WDR26: variants seen among roughly 807,000 people sequenced by gnomAD.
WDR26 encodes WD repeat-containing protein 26.
In WDR26, 5 loss-of-function variants were observed where a neutral mutation model predicts 84.1. The ratio of observed to expected loss-of-function variants is 0.06; its 90% CI spans 0.03 to 0.13. The LOEUF (loss-of-function observed/expected upper bound fraction) is 0.13. Ranked by LOEUF, WDR26 falls within the 10% of genes least tolerant of loss-of-function variation. The probability of loss-of-function intolerance (pLI) is 1.00; values close to 1 mark genes in which losing one functional copy is unlikely to be tolerated. For missense variants in WDR26, 642 were observed against 974.9 expected (o/e 0.66, Z 4.55); for synonymous variants, 415 against 389.6 (o/e 1.07, Z -0.77).
At chr1:224,397,001 T>C (rs1673285032) in intron 12 of WDR26, among the ~76,000 whole-genome samples, 1 of 152,216 alleles carries the variant, frequency 6.6e-6, no homozygotes, top group South Asian at 2.1e-4. Context: ...AAATATGCCT[T>C]ATTCTTAAAG....
chr1:224,414,196 C>T (rs190606567), intron 6 of WDR26, among the ~76,000 whole-genome samples: 1 of 151,380 alleles, frequency 6.6e-6, no homozygotes, highest in East Asian at 2.0e-4. Context: ...ATCTCTACCT[C>T]CCGGGTTCAA....
intron 1 of WDR26, among the ~76,000 whole-genome samples, 169 bp downstream of exon 1, chr1:224,433,515 G>A (rs958677943): frequency 6.6e-6 from 1 of 151,710 alleles, no homozygotes; most frequent in African/African-American, 2.4e-5. Context: ...CCTCCTCCCC[G>A]GTCGCCCTGA....
chr1:224,392,633 T>C lies in WDR26; in HGVS notation c.2260+1195A>G, dbSNP rs1263034869. ...AGAGGAATGTTAGAATGTCAGGTAGTGATCTATAAATACAAAAATACCCTT... is the reference window on the plus strand; with the variant it reads ...AGAGGAATGTTAGAATGTCAGGTAGCGATCTATAAATACAAAAATACCCTT... On this transcript the variant is annotated intron_variant, in intron 13 of 13. Transcript: ENST00000414423. 3.9e-5 allele frequency among the ~76,000 whole-genome samples: 6 copies of C among 152,174 alleles called. No homozygotes were observed. In the South Asian group the frequency reaches 6.2e-4, roughly 16 times the overall value.
intron 6 of WDR26, among the ~76,000 whole-genome samples, chr1:224,415,143 T>C (rs1299180007): frequency 6.6e-6 from 1 of 152,252 alleles, no homozygotes; most frequent in Non-Finnish European, 1.5e-5. Context: ...TTAGTGACTT[T>C]AAAATCTCTA....
At chr1:224,398,639 A>G in intron 10 of WDR26, 46 bp from the exon 11 acceptor site, 1 of 1,510,614 alleles carries the variant, frequency 6.6e-7, no homozygotes, top group Non-Finnish European at 9.1e-7. Flanking sequence ...TTAACAGTCA[A>G]GACATTCAAA....
chr1:224,429,710 C>G (rs1415412236), intron 3 of WDR26: 1 of 152,096 alleles, frequency 6.6e-6, no homozygotes, highest in Non-Finnish European at 1.5e-5. Flanking sequence ...TTTATTAGAT[C>G]CTAGAATGTT....
At chr1:224,423,287 T>C (rs1230904985) in intron 4 of WDR26, among the ~76,000 whole-genome samples, 3 of 152,222 alleles carry the variant, frequency 2.0e-5, no homozygotes, top group African/African-American at 4.8e-5. Flanking sequence ...TGAACAGACG[T>C]AGCAAGAGTA....
At chr1:224,394,105 A>G in intron 12 of WDR26, 92 bp from the exon 13 acceptor site, 1 of 955,862 alleles carries the variant, frequency 1.0e-6, no homozygotes, top group East Asian at 2.8e-5. Flanking sequence ...AGGACTCTTT[A>G]CTAGAACTTA....
chr1:224,392,807 T>C (rs1183014157), intron 13 of WDR26, among the ~76,000 whole-genome samples: 1 of 151,882 alleles, frequency 6.6e-6, no homozygotes, highest in African/African-American at 2.4e-5. Flanking sequence ...GATAAAAGTG[T>C]AGGGAATATA....
chr1:224,387,405 A>G lies in WDR26; in HGVS notation c.*2430T>C, dbSNP rs1673013606. On this transcript the variant is annotated 3_prime_UTR_variant, in exon 14 of 14. Coordinates refer to ENST00000414423, the MANE Select transcript of WDR26 (RefSeq NM_001379403.1). ...ACAGCAAATAAGTACCAGTATGTACAGGAAGCTGCCAGTTAAGACAGACCC... is the reference window on the plus strand; with the variant it reads ...ACAGCAAATAAGTACCAGTATGTACGGGAAGCTGCCAGTTAAGACAGACCC... 6.6e-6 allele frequency: 1 copy of G among 152,670 alleles called. No homozygotes were observed. The highest frequency in any genetic ancestry group is 2.4e-5 in the African/African-American group (1 of 41,462). The allele number at this position is 152,670 out of a possible 1,614,324, so 9.5% of individuals were successfully genotyped here.
At position 224,400,953 on chromosome 1, in the gene WDR26, C is replaced by T. The variant is rs528328049; in HGVS notation, c.1716G>A (p.Gln572=). The T allele has an allele frequency of 8.7e-6, 14 of 1,613,612 alleles. No individual in the cohort carries two copies. The highest frequency in any genetic ancestry group is 2.2e-5 in the East Asian group (1 of 44,880). ...GAAGGGGGCACTGAATACTTACACA[C>T]TGATAGAACTGCCCACGCTGACCTC... Residue 572 remains glutamine, a synonymous_variant, in exon 9 of 14, where the codon CAG becomes CAA. Transcript: ENST00000414423.
In WDR26 at chr1:224,434,189, C is replaced by G; in HGVS notation, c.217G>C (p.Gly73Arg). Residue 73 changes from glycine to arginine, a missense_variant, in exon 1 of 14, where the codon GGA (glycine) becomes CGA (arginine). By Grantham distance (125) the Gly-to-Arg change is moderately radical. Transcript: ENST00000414423. ...GGAGGGGCAGCAGCCGGGGGAAGTC[C>G]CACCACTACCACCACGGAGGAGGAG... 1 of 1,414,172 alleles carries G rather than the reference C, an allele frequency of 7.1e-7. No homozygotes were observed. Among genetic ancestry groups the G allele is most frequent in the Non-Finnish European group, 9.2e-7 (1 of 1,090,008 alleles). The allele number at this position is 1,414,172 out of a possible 1,614,324, so 87.6% of individuals were successfully genotyped here.
chr1:224,424,864 T>C, intron 3 of WDR26: 1 of 611,244 alleles, frequency 1.6e-6, no homozygotes, highest in East Asian at 2.9e-5. Flanking sequence ...ACTAAAACTC[T>C]GCTTTGAACA....
intron 5 of WDR26, among the ~76,000 whole-genome samples, chr1:224,419,203 A>C (rs561271885): frequency 3.1e-4 from 47 of 152,350 alleles, no homozygotes; most frequent in African/African-American, 1.1e-3. Flanking sequence ...TCTTTAAAGC[A>C]CTTGTGACTT....
intron 7 of WDR26, among the ~76,000 whole-genome samples, chr1:224,407,145 A>T (rs1312014088): frequency 0.22 from 4,917 of 22,612 alleles, 321 homozygotes; most frequent in Middle Eastern, 0.32. Context: ...AAAAAAAAAA[A>T]AAAAAAATAT....
intron 6 of WDR26, among the ~76,000 whole-genome samples, chr1:224,413,558 T>C (rs1245119979): frequency 1.3e-5 from 2 of 152,186 alleles, no homozygotes; most frequent in Non-Finnish European, 2.9e-5. Context: ...CTTTAGACAC[T>C]TCACATATAA....
intron 4 of WDR26, among the ~76,000 whole-genome samples, chr1:224,422,013 G>C (rs967094928): frequency 2.6e-5 from 4 of 152,008 alleles, no homozygotes; most frequent in Non-Finnish European, 5.9e-5. Context: ...ATTTGTTCTC[G>C]ATGCTGGAGC....
chr1:224,408,633 CTTTT>C (rs67639407), intron 7 of WDR26, among the ~76,000 whole-genome samples: 18 of 115,844 alleles, frequency 1.6e-4, no homozygotes, highest in African/African-American at 3.1e-4. Flanking sequence ...TCATCCCATT[CTTTT>C]TTTTTTTTTT....
intron 3 of WDR26, among the ~76,000 whole-genome samples, chr1:224,426,360 T>C (rs549010629): frequency 1.7e-4 from 26 of 152,294 alleles, no homozygotes; most frequent in African/African-American, 5.8e-4. Flanking sequence ...CCCTCTCATA[T>C]AAGTTAGGCA....
Sources: allele counts gnomAD v4.1 joint callset (sites outside exome capture counted in the v4.1 genomes callset), GRCh38; gene constraint gnomAD v4.1.1; transcripts MANE v1.5; gene names NCBI Gene and HGNC (gene_info 2026-07-23, HGNC 2026-07-21).